Variants in PCDH15 observed in about 807,000 individuals in gnomAD.
PCDH15 encodes the protein protocadherin related 15.
Under a neutral mutation model 178.5 loss-of-function variants are expected in PCDH15, and 129 were observed. The ratio of observed to expected loss-of-function variants is 0.72; its 90% CI spans 0.63 to 0.84. PCDH15 has a LOEUF of 0.84. Ranked by LOEUF, PCDH15 falls within the 40% of genes least tolerant of loss-of-function variation. PCDH15 has a pLI of 0.00. For synonymous variants in PCDH15, 800 were observed against 732.0 expected, an observed-to-expected ratio of 1.09 and a Z score of -1.50; for missense variants, 2,230 against 2,099.9, an observed-to-expected ratio of 1.06 and a Z score of -1.21.
At chr10:55,273,756 T>G (rs534873255) in intron 1 of PCDH15, among the ~76,000 whole-genome samples, 1 of 152,250 alleles carries the variant, frequency 6.6e-6, no homozygotes, top group South Asian at 2.1e-4. Flanking sequence ...CTCAGTATTC[T>G]GAAGAGCTGT....
intron 8 of PCDH15, among the ~76,000 whole-genome samples, chr10:54,272,703 C>A (rs1464108277): frequency 6.6e-6 from 1 of 152,060 alleles, no homozygotes; most frequent in Non-Finnish European, 1.5e-5. Context: ...TATCACGCAT[C>A]CTAAACCAAA....
chr10:54,100,007 T>G (rs978675629), intron 15 of PCDH15, among the ~76,000 whole-genome samples: 11 of 152,170 alleles, frequency 7.2e-5, no homozygotes, highest in African/African-American at 2.7e-4. Flanking sequence ...CTACTTTATG[T>G]AGTAGATATA....
intron 4 of PCDH15, among the ~76,000 whole-genome samples, chr10:54,378,136 G>A (rs1948719827): frequency 6.6e-6 from 1 of 151,794 alleles, no homozygotes; most frequent in Non-Finnish European, 1.5e-5. Flanking sequence ...TATTTGCCAG[G>A]CTGGACTCAA....
intron 2 of PCDH15, among the ~76,000 whole-genome samples, chr10:55,510,758 G>T (rs1840861850): frequency 6.6e-6 from 1 of 151,150 alleles, no homozygotes; most frequent in African/African-American, 2.4e-5. Flanking sequence ...ACTGATTTAG[G>T]TTTTTGATTA....
intron 1 of PCDH15, among the ~76,000 whole-genome samples, chr10:54,762,665 A>C (rs1948037591): frequency 6.6e-6 from 1 of 152,116 alleles, no homozygotes; most frequent in Non-Finnish European, 1.5e-5. Context: ...TAGAGTAAAC[A>C]CTTATGAAAT....
chr10:53,964,577 G>A (rs955385712), intron 21 of PCDH15, among the ~76,000 whole-genome samples: 1 of 149,016 alleles, frequency 6.7e-6, no homozygotes, highest in African/African-American at 2.5e-5. Context: ...AGGGTGCCCA[G>A]ACACTTCAAC....
Position 54,739,636 on chromosome 10 carries a change from G to C in PCDH15, c.-29+61289C>G, listed in dbSNP as rs1439793019. Among the ~76,000 whole-genome samples the C allele has an allele frequency of 4.1e-5, 6 of 146,906 alleles. No homozygotes were observed. The East Asian group carries it at 1.2e-3, about 29-fold the overall frequency. ...TAGCCAAAGCAATCCAGAACTAAAA[G>C]AACAAAGCTATAGTATCTAAAAAAC... On this transcript the variant is annotated intron_variant, in intron 1 of 37. Transcript: ENST00000644397.
At chr10:54,658,922 C>A (rs1228918709) in intron 2 of PCDH15, among the ~76,000 whole-genome samples, 1 of 151,984 alleles carries the variant, frequency 6.6e-6, no homozygotes, top group East Asian at 1.9e-4. Flanking sequence ...ATATCCACAG[C>A]CCCAAAGTAA....
intron 3 of PCDH15, among the ~76,000 whole-genome samples, chr10:54,396,320 G>A (rs752871348): frequency 3.6e-4 from 54 of 152,020 alleles, no homozygotes; most frequent in Non-Finnish European, 6.5e-4. Context: ...TGAACAATGC[G>A]TTATATAAGC....
chr10:55,018,076 T>G (rs1471878081), intron 2 of PCDH15, among the ~76,000 whole-genome samples: 1 of 152,132 alleles, frequency 6.6e-6, no homozygotes, highest in Non-Finnish European at 1.5e-5. Flanking sequence ...AATGTTATTT[T>G]CAAATAAACT....
intron 3 of PCDH15, among the ~76,000 whole-genome samples, chr10:54,392,323 A>G (rs538728185): frequency 6.6e-6 from 1 of 151,218 alleles, no homozygotes; most frequent in South Asian, 2.1e-4. Flanking sequence ...AAAATTTGGT[A>G]GGCATGGTGG....
At chr10:54,921,870 C>T (rs1236605143) in intron 2 of PCDH15, among the ~76,000 whole-genome samples, 2 of 152,108 alleles carry the variant, frequency 1.3e-5, no homozygotes, top group Non-Finnish European at 2.9e-5. Context: ...AAACTTACAA[C>T]CATTGCAGAA....
intron 3 of PCDH15, among the ~76,000 whole-genome samples, chr10:54,810,130 A>G (rs1410541788): frequency 1.3e-5 from 2 of 152,128 alleles, no homozygotes; most frequent in East Asian, 3.9e-4. Context: ...AGGATACTGT[A>G]GTCAATTTTC....
chr10:54,693,540 G>C (rs2095167340), intron 1 of PCDH15, among the ~76,000 whole-genome samples: 1 of 152,210 alleles, frequency 6.6e-6, no homozygotes, highest in Admixed American at 6.6e-5. Context: ...AGAAACTTTA[G>C]AGTCATGTTA....
At chr10:54,879,875 G>C (rs1167662398) in intron 3 of PCDH15, among the ~76,000 whole-genome samples, 1 of 151,834 alleles carries the variant, frequency 6.6e-6, no homozygotes, top group Admixed American at 6.6e-5. Context: ...AAAGTTTGCA[G>C]ATAACTGTGA....
At chr10:54,200,809 A>C (rs564142737) in intron 10 of PCDH15, among the ~76,000 whole-genome samples, 23 of 152,088 alleles carry the variant, frequency 1.5e-4, no homozygotes, top group African/African-American at 5.5e-4. Context: ...AGTGGCCCAG[A>C]AGTGAGGAGT....
intron 2 of PCDH15, among the ~76,000 whole-genome samples, chr10:55,592,648 T>C (rs1378336806): frequency 1.3e-5 from 2 of 152,158 alleles, no homozygotes; most frequent in African/African-American, 2.4e-5. Context: ...GAAACCTGAA[T>C]GCACACCTAA....
chr10:54,049,624 ATTTTT>A (rs71007805), intron 18 of PCDH15, among the ~76,000 whole-genome samples: 2 of 146,968 alleles, frequency 1.4e-5, no homozygotes, highest in African/African-American at 5.0e-5. Flanking sequence ...TATTGTGATG[ATTTTT>A]TTTTTTTTTG....
intron 3 of PCDH15, among the ~76,000 whole-genome samples, chr10:54,859,164 T>A (rs570884254): frequency 6.6e-6 from 1 of 152,130 alleles, no homozygotes; most frequent in African/African-American, 2.4e-5. Context: ...CACATTTTTC[T>A]TGTGTGAGAA....
Sources: allele counts gnomAD v4.1 joint callset (sites outside exome capture counted in the v4.1 genomes callset), GRCh38; gene constraint gnomAD v4.1.1; transcripts MANE v1.5; gene names NCBI Gene and HGNC (gene_info 2026-07-23, HGNC 2026-07-21).